The following MOCS1 variants were observed in gnomAD, a reference collection of about 807,000 sequenced individuals.
The protein encoded by MOCS1 is molybdenum cofactor synthesis 1.
MOCS1 carries 39 observed loss-of-function variants against 57.6 expected under a neutral mutation model. The observed-to-expected ratio is 0.68, with a 90% CI of 0.52 to 0.88. The LOEUF (loss-of-function observed/expected upper bound fraction) is 0.88, where lower values mean the gene tolerates loss of function less well. MOCS1 is among the 40% of genes least tolerant of loss of function. The probability of loss-of-function intolerance (pLI) is 0.00; values close to 1 mark genes in which losing one functional copy is unlikely to be tolerated. For synonymous variants in MOCS1, 334 were observed against 335.7 expected (o/e 1.00, Z 0.05); for missense variants, 795 against 831.1 (o/e 0.96, Z 0.53).
chr6:39,907,192 C>A, intron 10 of MOCS1, 75 bp from the exon 11 acceptor site: 1 of 1,444,174 alleles, frequency 6.9e-7, no homozygotes, highest in South Asian at 1.4e-5. Context: ...ACTCCCCAAC[C>A]CTCTCCCTAT....
chr6:39,911,174 C>A (rs964320467), intron 8 of MOCS1, among the ~76,000 whole-genome samples: 2 of 152,192 alleles, frequency 1.3e-5, no homozygotes, highest in Non-Finnish European at 2.9e-5. Flanking sequence ...CCTGCCAAGA[C>A]CTCACAGATA....
intron 3 of MOCS1, among the ~76,000 whole-genome samples, chr6:39,922,423 G>C (rs934164970): frequency 6.6e-6 from 1 of 152,120 alleles, no homozygotes; most frequent in Non-Finnish European, 1.5e-5. Context: ...TAAATTTTTA[G>C]CTCATCAGCT....
At chr6:39,927,762 T>G in intron 1 of MOCS1, 2 of 1,482,344 alleles carry the variant, frequency 1.3e-6, no homozygotes, top group Middle Eastern at 2.4e-4. Context: ...CTATTAGCCC[T>G]TATTCTTCAC....
intron 3 of MOCS1, among the ~76,000 whole-genome samples, chr6:39,924,737 T>C (rs946761205): frequency 6.6e-6 from 1 of 152,192 alleles, no homozygotes; most frequent in Non-Finnish European, 1.5e-5. Flanking sequence ...ATAATTTTCG[T>C]GTGGTAGAAA....
At chr6:39,922,112 G>T (rs748531638) in intron 3 of MOCS1, among the ~76,000 whole-genome samples, 1 of 152,106 alleles carries the variant, frequency 6.6e-6, no homozygotes. Context: ...CCTTCCTTTG[G>T]AAGACCCTAA....
At chr6:39,920,647 A>G (rs1005414773) in intron 3 of MOCS1, among the ~76,000 whole-genome samples, 2 of 152,214 alleles carry the variant, frequency 1.3e-5, no homozygotes, top group Non-Finnish European at 2.9e-5. Context: ...ACAGCATGAC[A>G]CTTACAAACT....
At chr6:39,932,680 C>T (rs900251092) in intron 1 of MOCS1, among the ~76,000 whole-genome samples, 2 of 152,204 alleles carry the variant, frequency 1.3e-5, no homozygotes, top group African/African-American at 4.8e-5. Context: ...GAATAGCTAT[C>T]CAACAAGTCC....
At chr6:39,920,171 A>C (rs1767885535) in intron 3 of MOCS1, among the ~76,000 whole-genome samples, 1 of 152,354 alleles carries the variant, frequency 6.6e-6, no homozygotes, top group East Asian at 1.9e-4. Context: ...GCTAATTAAC[A>C]TGTGAAGAGA....
Position 39,904,970 on chromosome 6 carries a change from T to C in MOCS1, c.*1387A>G, listed in dbSNP as rs749387773. On this transcript the variant is annotated 3_prime_UTR_variant, in exon 11 of 11. Transcript: ENST00000340692. ...ACCAGCTCTGTGAGAACCAATTGTT[T>C]ACATTTTCAGAAATTTTGCAAGCCA... 2.4e-5 allele frequency: 11 copies of C among 454,004 alleles called. No individual in the cohort carries two copies. The highest frequency in any genetic ancestry group is 4.9e-5 in the Non-Finnish European group (11 of 226,802). 28.1% of individuals were successfully genotyped at this position (454,004 alleles called of 1,614,324 possible). A position where few individuals can be genotyped will look rare whatever the true frequency, so the allele number is the denominator to read the frequency against.
intron 8 of MOCS1, among the ~76,000 whole-genome samples, chr6:39,910,712 A>G (rs1289529905): frequency 6.6e-6 from 1 of 152,158 alleles, no homozygotes; most frequent in African/African-American, 2.4e-5. Flanking sequence ...GGATAGGTCT[A>G]ACTGCTTCAG....
In MOCS1 at chr6:39,917,322, G is replaced by A. The variant is rs138568449; in HGVS notation, c.419-1090C>T. ...CCCCTTATAAAAATCATCAGATCTCGTCAAAACTCACTATCATGAGAACAG... is the reference window on the plus strand; with the variant it reads ...CCCCTTATAAAAATCATCAGATCTCATCAAAACTCACTATCATGAGAACAG... On this transcript the variant is annotated intron_variant, in intron 3 of 10. Coordinates refer to ENST00000340692, the MANE Select transcript of MOCS1 (RefSeq NM_001358530.2). Among the ~76,000 whole-genome samples the A allele has an allele frequency of 3.5e-4, 54 of 152,170 alleles. 1 individual carries two copies. In the East Asian group the frequency reaches 7.5e-3, roughly 21 times the overall value.
In MOCS1 at chr6:39,909,847, G is replaced by C; in HGVS notation, c.1090C>G (p.Arg364Gly). 6.2e-7 allele frequency: 1 copy of C among 1,613,272 alleles called. No individual in the cohort carries two copies. Among genetic ancestry groups the C allele is most frequent in the Non-Finnish European group, 8.5e-7 (1 of 1,180,000 alleles). ...ACCCTGCACTTACCTGCATGCTGCC[G>C]CTTCTTCCTGCCCACAGCAGCCCCA... is the stretch of plus-strand genomic sequence containing the variant. ...IIGAAVGRKK[R>G]QHAGMFSISQ... The change falls in exon 9 of 11, where the codon CGG (arginine) becomes GGG (glycine). Residue 364 changes from arginine (R) to glycine (G), a missense_variant. Physicochemically the swap from Arg to Gly is moderately radical, Grantham distance 125. Transcript: ENST00000340692.
intron 3 of MOCS1, among the ~76,000 whole-genome samples, chr6:39,921,077 A>G (rs1767940391): frequency 6.6e-6 from 1 of 151,922 alleles, no homozygotes; most frequent in South Asian, 2.1e-4. Flanking sequence ...AGGGTACAGT[A>G]TAGGGAAGGC....
At position 39,905,848 on chromosome 6, in the gene MOCS1, C is replaced by T. The variant is rs747545405; in HGVS notation, c.*509G>A. ...GACAGGACAGGACAGGGCAGGGCTG[C>T]GGCTTCACAGACTTAGGGAGGCAGA... On this transcript the variant is annotated 3_prime_UTR_variant, in exon 11 of 11. Transcript: ENST00000340692. 25 of 466,696 alleles carry T rather than the reference C, an allele frequency of 5.4e-5. No individual in the cohort carries two copies. Among genetic ancestry groups the T allele is most frequent in the South Asian group, 2.5e-4 (16 of 64,326 alleles). The allele number at this position is 466,696 out of a possible 1,614,324, so 28.9% of individuals were successfully genotyped here.
intron 3 of MOCS1, 53 bp from the exon 4 acceptor site, chr6:39,916,285 C>T (rs1214255435): frequency 1.8e-5 from 29 of 1,606,526 alleles, no homozygotes; most frequent in East Asian, 4.5e-5. Flanking sequence ...TTGGTGAGGC[C>T]GGGAAAAGGG....
At chr6:39,922,669 C>A (rs1217855335) in intron 3 of MOCS1, among the ~76,000 whole-genome samples, 2 of 152,150 alleles carry the variant, frequency 1.3e-5, no homozygotes, top group African/African-American at 4.8e-5. Flanking sequence ...AAGGGGTTGG[C>A]AGAGGGAGCC....
chr6:39,913,809 G>A lies in MOCS1; in HGVS notation c.610C>T (p.His204Tyr), dbSNP rs373030876. The A allele has an allele frequency of 8.8e-5, 142 of 1,614,078 alleles. No homozygotes were observed. Among genetic ancestry groups the A allele is most frequent in the Non-Finnish European group, 1.1e-4 (133 of 1,180,052 alleles). Reference sequence around the variant, plus strand: ...TTGTAGCCCAGCTCGATGGCCTTGTGGATGCCCTCCATGACCTTGTGGAAG... The same window carrying A: ...TTGTAGCCCAGCTCGATGGCCTTGTAGATGCCCTCCATGACCTTGTGGAAG... ...KGFHKVMEGI[H>Y]KAIELGYNPV... Residue 204 changes from histidine to tyrosine, a missense_variant, in exon 5 of 11, where the codon CAC (histidine) becomes TAC (tyrosine). Transcript: ENST00000340692.
chr6:39,934,135 C>A (rs1001915267), intron 1 of MOCS1, among the ~76,000 whole-genome samples, 160 bp downstream of exon 1: 6 of 152,006 alleles, frequency 3.9e-5, no homozygotes, highest in Non-Finnish European at 8.8e-5. Context: ...CGGGTGAGAC[C>A]GGGCGGTCCA....
Position 39,906,422 on chromosome 6 carries a change from C to G in MOCS1, c.1846G>C (p.Val616Leu). ...CTAATGAGCTTGATCTCCTCCAACA[C>G]GATGTCCCTGCTGACAGCCTTGCAC... The part of the protein sequence containing the change: ...DMCKAVSRDI[V>L]LEEIKLISKT... Residue 616 changes from valine (V) to leucine (L), a missense_variant, in exon 11 of 11, where the codon GTG becomes CTG. By Grantham distance (32) the Val-to-Leu change is conservative. This residue lies in a region of MOCS1 where 374 missense variants were observed against 422.6 expected (regional missense o/e 0.89). Coordinates refer to ENST00000340692, the MANE Select transcript of MOCS1 (RefSeq NM_001358530.2). The G allele has an allele frequency of 1.9e-6, 3 of 1,606,002 alleles. No individual in the cohort carries two copies. Among genetic ancestry groups the G allele is most frequent in the Non-Finnish European group, 2.6e-6 (3 of 1,173,508 alleles).
Sources: gnomAD v4.1 joint callset for allele counts (sites outside exome capture counted in the v4.1 genomes callset) on GRCh38, gnomAD v4.1.1 for gene constraint, gnomAD v4.1.1 regional missense constraint, MANE v1.5 for transcripts, NCBI Gene and HGNC (gene_info 2026-07-23, HGNC 2026-07-21) for gene names.